CNTN4: variants seen among roughly 807,000 people sequenced by gnomAD.
CNTN4 encodes the protein contactin 4, also known as contactin-4.
A neutral mutation model predicts 122.5 loss-of-function variants in CNTN4; 77 were observed. The ratio of observed to expected loss-of-function variants is 0.63; its 90% CI spans 0.52 to 0.76. CNTN4 has a LOEUF of 0.76. CNTN4 is among the 30% of genes least tolerant of loss of function. CNTN4 has a pLI of 0.00. For missense variants in CNTN4, 1,256 were observed against 1,259.1 expected (o/e 1.00, Z 0.04); for synonymous variants, 512 against 447.0 (o/e 1.15, Z -1.83).
intron 2 of CNTN4, among the ~76,000 whole-genome samples, chr3:2,219,721 A>T (rs988774767): frequency 6.6e-6 from 1 of 151,434 alleles, no homozygotes; most frequent in African/African-American, 2.4e-5. Context: ...TTTACTTAGA[A>T]CTCATAATAG....
chr3:2,310,047 A>T (rs2042858099), intron 2 of CNTN4, among the ~76,000 whole-genome samples: 1 of 152,136 alleles, frequency 6.6e-6, no homozygotes, highest in Non-Finnish European at 1.5e-5. Context: ...TTTCAGGTGG[A>T]ATATGTTCAA....
chr3:2,301,263 C>T (rs911222132), intron 2 of CNTN4, among the ~76,000 whole-genome samples: 1 of 152,150 alleles, frequency 6.6e-6, no homozygotes, highest in African/African-American at 2.4e-5. Context: ...AACAAAAATC[C>T]ATATTAATTT....
At chr3:2,890,453 A>G (rs2094026088) in intron 10 of CNTN4, among the ~76,000 whole-genome samples, 1 of 152,222 alleles carries the variant, frequency 6.6e-6, no homozygotes, top group Admixed American at 6.5e-5. Flanking sequence ...CTTACAACCT[A>G]GGAATTATAA....
At chr3:2,388,069 C>A (rs2046311415) in intron 3 of CNTN4, among the ~76,000 whole-genome samples, 1 of 152,064 alleles carries the variant, frequency 6.6e-6, no homozygotes, top group Non-Finnish European at 1.5e-5. Context: ...CTTAGTAGAG[C>A]TAGATTAACA....
At chr3:2,328,329 C>A (rs2043554433) in intron 2 of CNTN4, among the ~76,000 whole-genome samples, 1 of 150,446 alleles carries the variant, frequency 6.6e-6, no homozygotes, top group Non-Finnish European at 1.5e-5. Context: ...TGGCGGGAAC[C>A]CGGGAGGCGG....
chr3:2,777,212 A>C (rs2091357972), intron 6 of CNTN4, among the ~76,000 whole-genome samples: 1 of 152,160 alleles, frequency 6.6e-6, no homozygotes, highest in Non-Finnish European at 1.5e-5. Context: ...ATGGTATTTA[A>C]ACAGAAATTA....
At chr3:2,326,772 A>G (rs1426908446) in intron 2 of CNTN4, among the ~76,000 whole-genome samples, 4 of 152,172 alleles carry the variant, frequency 2.6e-5, no homozygotes, top group African/African-American at 4.8e-5. Context: ...CTGGGCAATG[A>G]AGGTATTATT....
chr3:2,487,228 C>A (rs1220329018), intron 3 of CNTN4, among the ~76,000 whole-genome samples: 1 of 152,172 alleles, frequency 6.6e-6, no homozygotes, highest in South Asian at 2.1e-4. Flanking sequence ...ATAAACATAT[C>A]ATTTCTGACC....
chr3:2,789,526 G>T (rs573327293), intron 6 of CNTN4, among the ~76,000 whole-genome samples: 1 of 152,070 alleles, frequency 6.6e-6, no homozygotes, highest in Admixed American at 6.5e-5. Flanking sequence ...TCCGCCTCCC[G>T]GGTTCAAGTG....
intron 3 of CNTN4, among the ~76,000 whole-genome samples, chr3:2,343,663 A>G (rs1007686289): frequency 4.6e-5 from 7 of 152,184 alleles, no homozygotes; most frequent in African/African-American, 1.7e-4. Flanking sequence ...TCATTACTTC[A>G]TTCTTTTGTT....
At chr3:2,766,235 T>C (rs2090853392) in intron 6 of CNTN4, among the ~76,000 whole-genome samples, 1 of 152,230 alleles carries the variant, frequency 6.6e-6, no homozygotes, top group Admixed American at 6.5e-5. Flanking sequence ...TGATCGCATC[T>C]ATAATTTTAT....
intron 4 of CNTN4, among the ~76,000 whole-genome samples, chr3:2,671,385 C>T (rs1258176803): frequency 6.6e-6 from 1 of 152,208 alleles, no homozygotes; most frequent in Non-Finnish European, 1.5e-5. Flanking sequence ...ATCGAATCGG[C>T]TACTGAAGCT....
chr3:2,267,603 C>T (rs1438902873), intron 2 of CNTN4, among the ~76,000 whole-genome samples: 1 of 151,980 alleles, frequency 6.6e-6, no homozygotes, highest in Non-Finnish European at 1.5e-5. Flanking sequence ...CATAGAATTG[C>T]AGGATTGGAT....
At chr3:2,356,461 G>A (rs568503364) in intron 3 of CNTN4, among the ~76,000 whole-genome samples, 1 of 152,228 alleles carries the variant, frequency 6.6e-6, no homozygotes, top group African/African-American at 2.4e-5. Context: ...CTGTCATGGC[G>A]CTGGTGGGAG....
intron 2 of CNTN4, among the ~76,000 whole-genome samples, chr3:2,332,510 T>A (rs1575395923): frequency 6.6e-6 from 1 of 151,994 alleles, no homozygotes; most frequent in South Asian, 2.1e-4. Context: ...TATTCTGAGT[T>A]AGGGAGATCA....
chr3:2,456,855 A>T (rs2049024547), intron 3 of CNTN4, among the ~76,000 whole-genome samples: 1 of 152,116 alleles, frequency 6.6e-6, no homozygotes, highest in African/African-American at 2.4e-5. Flanking sequence ...TTGCTTGAGG[A>T]ACTGTTTTCC....
intron 3 of CNTN4, among the ~76,000 whole-genome samples, chr3:2,494,898 A>G (rs1187327664): frequency 6.6e-6 from 1 of 152,192 alleles, no homozygotes; most frequent in Non-Finnish European, 1.5e-5. Flanking sequence ...GTTTTCCATT[A>G]ATAATAGTCC....
intron 2 of CNTN4, among the ~76,000 whole-genome samples, chr3:2,155,253 A>G (rs1053621182): frequency 6.6e-6 from 1 of 152,170 alleles, no homozygotes; most frequent in Admixed American, 6.5e-5. Context: ...ATTCCTGTGC[A>G]GCAATGAAAA....
chr3:2,189,466 G>C (rs1262321616), intron 2 of CNTN4, among the ~76,000 whole-genome samples: 2 of 152,130 alleles, frequency 1.3e-5, no homozygotes, highest in East Asian at 3.9e-4. Context: ...CGTGGTATAT[G>C]GTAGTGCTGG....
Sources: allele counts gnomAD v4.1 joint callset (sites outside exome capture counted in the v4.1 genomes callset), GRCh38; gene constraint gnomAD v4.1.1; transcripts MANE v1.5; gene names NCBI Gene and HGNC (gene_info 2026-07-23, HGNC 2026-07-21).